Variants in ZMAT4 observed in about 807,000 individuals in gnomAD.
The protein encoded by ZMAT4 is zinc finger matrin-type 4.
ZMAT4 carries 17 observed loss-of-function variants against 28.7 expected under a neutral mutation model. That is an observed-to-expected ratio of 0.59 (90% CI 0.41 to 0.89). The LOEUF (loss-of-function observed/expected upper bound fraction) is 0.89, where lower values mean the gene tolerates loss of function less well. Among genes scored for constraint, ZMAT4 ranks in the 40% least tolerant of loss-of-function variants. The pLI is 0.00. For synonymous variants in ZMAT4, 117 were observed against 109.2 expected (o/e 1.07, Z -0.44); for missense variants, 240 against 283.8 (o/e 0.85, Z 1.11).
intron 3 of ZMAT4, among the ~76,000 whole-genome samples, chr8:40,739,468 A>G (rs1282017170): frequency 1.3e-5 from 2 of 152,318 alleles, no homozygotes; most frequent in South Asian, 2.1e-4. Context: ...CTGATAGTAG[A>G]TGACAAGCTT....
At chr8:40,731,016 G>A (rs1811514659) in intron 3 of ZMAT4, among the ~76,000 whole-genome samples, 1 of 152,158 alleles carries the variant, frequency 6.6e-6, no homozygotes, top group African/African-American at 2.4e-5. Flanking sequence ...AACCTACACA[G>A]ATTTGCAGGA....
At chr8:40,561,628 C>T (rs1013585486) in intron 6 of ZMAT4, among the ~76,000 whole-genome samples, 4 of 152,116 alleles carry the variant, frequency 2.6e-5, no homozygotes, top group Non-Finnish European at 4.4e-5. Flanking sequence ...CAAGCACCAG[C>T]ATTAGAGAGG....
chr8:40,804,626 A>G (rs1043154088), intron 2 of ZMAT4, among the ~76,000 whole-genome samples: 8 of 152,110 alleles, frequency 5.3e-5, no homozygotes, highest in African/African-American at 1.9e-4. Flanking sequence ...AGATCACCTG[A>G]GTCGGGAGTT....
intron 4 of ZMAT4, among the ~76,000 whole-genome samples, chr8:40,696,642 C>T (rs1809899567): frequency 6.6e-6 from 1 of 152,102 alleles, no homozygotes; most frequent in Non-Finnish European, 1.5e-5. Flanking sequence ...TAAGGTTTTA[C>T]TTGTGAAAGT....
At chr8:40,826,088 G>C (rs953257078) in intron 1 of ZMAT4, among the ~76,000 whole-genome samples, 1 of 152,142 alleles carries the variant, frequency 6.6e-6, no homozygotes, top group Non-Finnish European at 1.5e-5. Context: ...GAGAGATTCT[G>C]TCTCTACAAA....
intron 5 of ZMAT4, among the ~76,000 whole-genome samples, chr8:40,629,650 T>C (rs1302794555): frequency 6.7e-6 from 1 of 148,652 alleles, no homozygotes; most frequent in African/African-American, 2.5e-5. Context: ...AGTGAGAACA[T>C]GCGGTGTTTG....
chr8:40,659,649 A>T (rs970293720), intron 5 of ZMAT4, among the ~76,000 whole-genome samples: 1 of 152,124 alleles, frequency 6.6e-6, no homozygotes, highest in African/African-American at 2.4e-5. Context: ...AAGTTCACAG[A>T]CTCACAATTT....
chr8:40,866,727 TG>T (rs1817687440), intron 1 of ZMAT4, among the ~76,000 whole-genome samples: 3 of 152,330 alleles, frequency 2.0e-5, no homozygotes, highest in African/African-American at 7.2e-5. Flanking sequence ...TGTAAATAGC[TG>T]GCAAGCACCC....
intron 1 of ZMAT4, among the ~76,000 whole-genome samples, chr8:40,875,720 C>A (rs1586205684): frequency 6.6e-6 from 1 of 152,120 alleles, no homozygotes; most frequent in Non-Finnish European, 1.5e-5. Context: ...GCTACTCCCC[C>A]AGGAAGTACA....
At chr8:40,818,465 A>G (rs1453170091) in intron 2 of ZMAT4, among the ~76,000 whole-genome samples, 1 of 152,240 alleles carries the variant, frequency 6.6e-6, no homozygotes, top group Non-Finnish European at 1.5e-5. Context: ...CTAGGATATT[A>G]CGAAGATATT....
intron 2 of ZMAT4, among the ~76,000 whole-genome samples, chr8:40,782,815 T>C (rs1383818424): frequency 6.6e-6 from 1 of 152,192 alleles, no homozygotes; most frequent in Non-Finnish European, 1.5e-5. Context: ...CCATCACTGG[T>C]CATTGGTAAA....
At chr8:40,688,367 A>T (rs947739048) in intron 4 of ZMAT4, among the ~76,000 whole-genome samples, 6 of 152,096 alleles carry the variant, frequency 3.9e-5, no homozygotes, top group Non-Finnish European at 7.4e-5. Flanking sequence ...GAGGCAGGAG[A>T]ATTGCTTGAA....
At chr8:40,765,327 G>A (rs551900101) in intron 3 of ZMAT4, among the ~76,000 whole-genome samples, 1 of 152,112 alleles carries the variant, frequency 6.6e-6, no homozygotes. Flanking sequence ...AAGTATTGGG[G>A]GTGACTTCCA....
At chr8:40,752,606 G>A (rs553997943) in intron 3 of ZMAT4, among the ~76,000 whole-genome samples, 3 of 152,312 alleles carry the variant, frequency 2.0e-5, no homozygotes, top group South Asian at 2.1e-4. Flanking sequence ...GGACAGCAAC[G>A]TTCCAATTCT....
At chr8:40,586,831 A>G (rs1318995243) in intron 5 of ZMAT4, among the ~76,000 whole-genome samples, 2 of 152,360 alleles carry the variant, frequency 1.3e-5, no homozygotes, top group African/African-American at 4.8e-5. Context: ...AGGGAAAAAG[A>G]CAAGAAACAA....
intron 5 of ZMAT4, among the ~76,000 whole-genome samples, chr8:40,653,260 G>A (rs909219942): frequency 5.9e-5 from 9 of 151,992 alleles, no homozygotes; most frequent in African/African-American, 1.2e-4. Context: ...AGGAGTACTT[G>A]AAGGGATATT....
chr8:40,743,889 A>G (rs1406814620), intron 3 of ZMAT4, among the ~76,000 whole-genome samples: 2 of 152,172 alleles, frequency 1.3e-5, no homozygotes, highest in Non-Finnish European at 2.9e-5. Flanking sequence ...TTCGTGGTAC[A>G]GGTGCTGTTT....
At chr8:40,677,203 A>T (rs374925828) in intron 4 of ZMAT4, among the ~76,000 whole-genome samples, 15 of 152,288 alleles carry the variant, frequency 9.8e-5, no homozygotes, top group African/African-American at 3.6e-4. Flanking sequence ...ATCAAATAAG[A>T]TAATCTTATC....
At chr8:40,625,019 C>T (rs145460345) in intron 5 of ZMAT4, among the ~76,000 whole-genome samples, 64 of 152,292 alleles carry the variant, frequency 4.2e-4, no homozygotes, top group Middle Eastern at 3.4e-3. Context: ...GGCAGTGCTC[C>T]TTATCCAGAG....
Sources: gnomAD v4.1 joint callset for allele counts (sites outside exome capture counted in the v4.1 genomes callset) on GRCh38, gnomAD v4.1.1 for gene constraint, MANE v1.5 for transcripts, NCBI Gene and HGNC (gene_info 2026-07-23, HGNC 2026-07-21) for gene names.